LRRTM4: variants seen among roughly 807,000 people sequenced by gnomAD.
The protein encoded by LRRTM4 is leucine rich repeat transmembrane neuronal 4.
LRRTM4 carries 25 observed loss-of-function variants against 47.6 expected under a neutral mutation model. That is an observed-to-expected ratio of 0.53 (90% CI 0.38 to 0.73). LRRTM4 has a LOEUF of 0.73. LRRTM4 is among the 30% of genes least tolerant of loss of function. The pLI, the probability that LRRTM4 is intolerant of heterozygous loss-of-function variation, is 0.00. For missense variants in LRRTM4, 638 were observed against 713.4 expected, an observed-to-expected ratio of 0.89 and a Z score of 1.20; for synonymous variants, 311 against 269.5, an observed-to-expected ratio of 1.15 and a Z score of -1.51.
At chr2:76,943,788 T>C (rs944303119) in intron 3 of LRRTM4, among the ~76,000 whole-genome samples, 6 of 152,326 alleles carry the variant, frequency 3.9e-5, no homozygotes, top group Non-Finnish European at 8.8e-5. Context: ...AATCCACTCA[T>C]GTGTTTAAGC....
intron 3 of LRRTM4, among the ~76,000 whole-genome samples, chr2:76,863,864 T>C (rs1300622233): frequency 6.6e-6 from 1 of 152,112 alleles, no homozygotes; most frequent in East Asian, 1.9e-4. Flanking sequence ...GGACCTGAAA[T>C]ACAGTGGTGG....
At chr2:76,968,913 C>G (rs1202664638) in intron 3 of LRRTM4, among the ~76,000 whole-genome samples, 1 of 151,938 alleles carries the variant, frequency 6.6e-6, no homozygotes, top group Admixed American at 6.6e-5. Flanking sequence ...TAAAACCTAG[C>G]TCCTCCGTCA....
chr2:76,973,385 TG>T (rs1405990306), intron 3 of LRRTM4, among the ~76,000 whole-genome samples: 1 of 151,976 alleles, frequency 6.6e-6, no homozygotes, highest in Non-Finnish European at 1.5e-5. Context: ...TATTCTTATA[TG>T]GGGGAAATAT....
At chr2:77,357,226 T>C (rs1052738201) in intron 3 of LRRTM4, among the ~76,000 whole-genome samples, 10 of 152,110 alleles carry the variant, frequency 6.6e-5, no homozygotes, top group Non-Finnish European at 1.5e-4. Flanking sequence ...ATTTCAAAAG[T>C]CTTTGAAGAA....
intron 3 of LRRTM4, chr2:77,518,050 T>C: frequency 1.7e-6 from 2 of 1,188,470 alleles, no homozygotes; most frequent in Non-Finnish European, 2.1e-6. Flanking sequence ...TGTATACAAA[T>C]TGTTAAAAAG....
intron 3 of LRRTM4, among the ~76,000 whole-genome samples, chr2:77,079,794 AATG>A (rs1680471245): frequency 6.6e-6 from 1 of 152,080 alleles, no homozygotes; most frequent in African/African-American, 2.4e-5. Flanking sequence ...TAAATAATAG[AATG>A]ATGGTGATTT....
chr2:76,911,080 T>C (rs540003431), intron 3 of LRRTM4, among the ~76,000 whole-genome samples: 6 of 152,224 alleles, frequency 3.9e-5, no homozygotes, highest in Non-Finnish European at 7.3e-5. Flanking sequence ...TTTACTTAGG[T>C]AATAATATGA....
At chr2:77,079,785 AAAT>A (rs1455187914) in intron 3 of LRRTM4, among the ~76,000 whole-genome samples, 2 of 152,140 alleles carry the variant, frequency 1.3e-5, no homozygotes, top group Non-Finnish European at 2.9e-5. Context: ...GCTATTTATT[AAAT>A]AATAGAATGA....
At chr2:76,859,282 CTTTT>C (rs969032609) in intron 3 of LRRTM4, among the ~76,000 whole-genome samples, 1 of 151,162 alleles carries the variant, frequency 6.6e-6, no homozygotes, top group East Asian at 1.9e-4. Flanking sequence ...GTTATATATT[CTTTT>C]TTTTTCCTCA....
chr2:77,326,468 A>G (rs1670779844), intron 3 of LRRTM4, among the ~76,000 whole-genome samples: 1 of 152,130 alleles, frequency 6.6e-6, no homozygotes, highest in South Asian at 2.1e-4. Context: ...ATCATAGCTC[A>G]CTGTGGCCTC....
chr2:77,151,996 A>G (rs1672443376), intron 3 of LRRTM4, among the ~76,000 whole-genome samples: 1 of 152,336 alleles, frequency 6.6e-6, no homozygotes, highest in African/African-American at 2.4e-5. Flanking sequence ...GGCAAGAAGG[A>G]TGAAAAATTT....
chr2:76,916,777 A>T (rs1674267021), intron 3 of LRRTM4, among the ~76,000 whole-genome samples: 1 of 152,170 alleles, frequency 6.6e-6, no homozygotes, highest in Non-Finnish European at 1.5e-5. Flanking sequence ...AAATATAATT[A>T]TATTTTTAGA....
intron 3 of LRRTM4, among the ~76,000 whole-genome samples, chr2:77,343,659 A>T (rs927692259): frequency 6.6e-6 from 1 of 151,928 alleles, no homozygotes; most frequent in Non-Finnish European, 1.5e-5. Flanking sequence ...TAGCAGTTTT[A>T]TTCATTCATT....
chr2:76,865,628 T>A (rs1286302143), intron 3 of LRRTM4, among the ~76,000 whole-genome samples: 1 of 152,176 alleles, frequency 6.6e-6, no homozygotes, highest in Non-Finnish European at 1.5e-5. Flanking sequence ...AGCTCCTTCC[T>A]ATAATTCCTA....
At chr2:76,864,818 C>T (rs1672418819) in intron 3 of LRRTM4, among the ~76,000 whole-genome samples, 1 of 145,684 alleles carries the variant, frequency 6.9e-6, no homozygotes, top group African/African-American at 2.6e-5. Context: ...CTTCAACCTC[C>T]CGGGCTCAAG....
At chr2:77,406,909 T>C (rs1674213592) in intron 3 of LRRTM4, among the ~76,000 whole-genome samples, 1 of 152,082 alleles carries the variant, frequency 6.6e-6, no homozygotes, top group Non-Finnish European at 1.5e-5. Flanking sequence ...TAGTGGGAAA[T>C]AACTGGGGAA....
chr2:77,441,922 G>T (rs958477205), intron 3 of LRRTM4, among the ~76,000 whole-genome samples: 71 of 152,214 alleles, frequency 4.7e-4, no homozygotes, highest in African/African-American at 1.5e-3. Context: ...TGAATTTTCT[G>T]CCAAATATAA....
chr2:76,929,241 TTTTG>T (rs771294892), intron 3 of LRRTM4, among the ~76,000 whole-genome samples: 5 of 150,938 alleles, frequency 3.3e-5, no homozygotes, highest in Non-Finnish European at 2.9e-5. Context: ...GTTTGCTTTG[TTTTG>T]TTTCTTTGTG....
At chr2:77,108,578 C>CTTT (rs200805423) in intron 3 of LRRTM4, among the ~76,000 whole-genome samples, 260 of 142,864 alleles carry the variant, frequency 1.8e-3, no homozygotes, top group African/African-American at 5.7e-3. Context: ...CACAAACATT[C>CTTT]TTTTTTTTTT....
Sources: allele counts gnomAD v4.1 joint callset (sites outside exome capture counted in the v4.1 genomes callset), GRCh38; gene constraint gnomAD v4.1.1; transcripts MANE v1.5; gene names NCBI Gene and HGNC (gene_info 2026-07-23, HGNC 2026-07-21).